FGF12: variants seen among roughly 807,000 people sequenced by gnomAD.
FGF12 encodes the protein fibroblast growth factor 12, also known as fibroblast growth factor 12B.
Under a neutral mutation model 23.6 loss-of-function variants are expected in FGF12, and 14 were observed. That is an observed-to-expected ratio of 0.59 (90% CI 0.39 to 0.93). FGF12 has a LOEUF of 0.93. FGF12 is among the 40% of genes least tolerant of loss of function. FGF12 has a pLI of 0.00. For missense variants in FGF12, 175 were observed against 217.8 expected (o/e 0.80, Z 1.24); for synonymous variants, 62 against 77.3 (o/e 0.80, Z 1.04).
chr3:192,322,583 C>T (rs180738329), intron 4 of FGF12, among the ~76,000 whole-genome samples: 2 of 152,050 alleles, frequency 1.3e-5, no homozygotes, highest in East Asian at 3.9e-4. Flanking sequence ...ATCGCATTAC[C>T]TGACTTCAAA....
chr3:192,384,412 A>G (rs1719954907), intron 2 of FGF12, among the ~76,000 whole-genome samples: 1 of 152,236 alleles, frequency 6.6e-6, no homozygotes, highest in African/African-American at 2.4e-5. Context: ...AAGGTGATGT[A>G]TCTTCCCTAC....
intron 3 of FGF12, among the ~76,000 whole-genome samples, chr3:192,339,455 TAC>T (rs1717585938): frequency 6.6e-6 from 1 of 152,148 alleles, no homozygotes; most frequent in African/African-American, 2.4e-5. Context: ...CAATGTCCTT[TAC>T]AACCTGGCTC....
chr3:192,692,562 A>T (rs988780574), intron 2 of FGF12, among the ~76,000 whole-genome samples: 1 of 151,792 alleles, frequency 6.6e-6, no homozygotes, highest in African/African-American at 2.4e-5. Context: ...AAAATTAGCC[A>T]GGTGTGGTGG....
rs149425300 is a variant in FGF12, at chr3:192,463,633, A to T, written c.14-103095T>A. Among the ~76,000 whole-genome samples the T allele has an allele frequency of 6.5e-4, 99 of 152,150 alleles. 1 individual carries two copies. The highest frequency in any genetic ancestry group is 6.8e-3 in the Middle Eastern group (2 of 294). Reference sequence around the variant, plus strand: ...CGTTTTGATTCCCAAAAACCACCCGACACCTTCCCAGCCCAGCACAGTGGC... The same window carrying T: ...CGTTTTGATTCCCAAAAACCACCCGTCACCTTCCCAGCCCAGCACAGTGGC... On this transcript the variant is annotated intron_variant, in intron 2 of 5. Transcript: ENST00000445105.
At chr3:192,647,289 G>A (rs1716039961) in intron 2 of FGF12, among the ~76,000 whole-genome samples, 2 of 152,018 alleles carry the variant, frequency 1.3e-5, no homozygotes, top group Admixed American at 1.3e-4. Context: ...GGGTTTTAAT[G>A]AGGTTTTGGG....
chr3:192,629,781 T>C (rs947342320), intron 2 of FGF12, among the ~76,000 whole-genome samples: 1 of 152,246 alleles, frequency 6.6e-6, no homozygotes, highest in Non-Finnish European at 1.5e-5. Context: ...TCATCTCCAT[T>C]CCTACCTCAG....
chr3:192,603,310 G>A (rs1167237738), intron 2 of FGF12, among the ~76,000 whole-genome samples: 1 of 152,028 alleles, frequency 6.6e-6, no homozygotes, highest in Admixed American at 6.6e-5. Context: ...AAAGGTTCCT[G>A]GAACTGATTA....
chr3:192,558,221 A>T (rs923551182), intron 2 of FGF12, among the ~76,000 whole-genome samples: 1 of 151,978 alleles, frequency 6.6e-6, no homozygotes, highest in Non-Finnish European at 1.5e-5. Flanking sequence ...AGAGATAATA[A>T]ATTCAGCAAA....
chr3:192,696,468 T>C (rs922335217), intron 2 of FGF12, among the ~76,000 whole-genome samples: 1 of 151,854 alleles, frequency 6.6e-6, no homozygotes, highest in African/African-American at 2.4e-5. Context: ...TAAGAGCAGG[T>C]GGGTTCAGAG....
At chr3:192,642,792 C>G (rs1297763223) in intron 2 of FGF12, among the ~76,000 whole-genome samples, 1 of 152,138 alleles carries the variant, frequency 6.6e-6, no homozygotes, top group Non-Finnish European at 1.5e-5. Flanking sequence ...TTTTGATGGG[C>G]CATTTACTTG....
intron 2 of FGF12, among the ~76,000 whole-genome samples, chr3:192,653,233 C>A (rs1238278659): frequency 2.0e-5 from 3 of 152,222 alleles, no homozygotes; most frequent in Non-Finnish European, 2.9e-5. Context: ...GATCACCAAG[C>A]TCTCTTTATG....
intron 4 of FGF12, among the ~76,000 whole-genome samples, chr3:192,236,816 C>T (rs1719326354): frequency 6.6e-6 from 1 of 152,144 alleles, no homozygotes; most frequent in Admixed American, 6.5e-5. Context: ...TAAGTAGGGG[C>T]ATTTAGTACC....
chr3:192,234,690 A>C (rs538484215), intron 4 of FGF12, among the ~76,000 whole-genome samples: 1 of 151,988 alleles, frequency 6.6e-6, no homozygotes, highest in Non-Finnish European at 1.5e-5. Flanking sequence ...GATGATTCTT[A>C]TTATTTTGAG....
At chr3:192,659,501 C>G (rs767512165) in intron 2 of FGF12, among the ~76,000 whole-genome samples, 1 of 152,092 alleles carries the variant, frequency 6.6e-6, no homozygotes, top group Non-Finnish European at 1.5e-5. Context: ...ATCTTACATC[C>G]CCCTTCCCAC....
intron 2 of FGF12, among the ~76,000 whole-genome samples, chr3:192,511,315 A>G (rs1216871416): frequency 6.6e-6 from 1 of 152,066 alleles, no homozygotes. Flanking sequence ...TCTGTTTCAG[A>G]TTGAGACTTA....
chr3:192,611,925 G>A (rs1431372604), intron 2 of FGF12, among the ~76,000 whole-genome samples: 5 of 152,120 alleles, frequency 3.3e-5, no homozygotes, highest in African/African-American at 9.6e-5. Context: ...TGGAGATTCA[G>A]TGTTTTAGGG....
At chr3:192,175,285 T>C (rs145854451) in intron 4 of FGF12, among the ~76,000 whole-genome samples, 91 of 152,266 alleles carry the variant, frequency 6.0e-4, no homozygotes, top group Middle Eastern at 3.4e-3. Flanking sequence ...ATAAGGATGA[T>C]TTTGTTTCTT....
intron 2 of FGF12, among the ~76,000 whole-genome samples, chr3:192,576,926 T>C (rs144265000): frequency 1.3e-5 from 2 of 152,152 alleles, no homozygotes; most frequent in Non-Finnish European, 2.9e-5. Flanking sequence ...ATGAAGCTGG[T>C]AACCATCATT....
At chr3:192,164,454 G>C (rs1257666704) in intron 5 of FGF12, among the ~76,000 whole-genome samples, 1 of 152,174 alleles carries the variant, frequency 6.6e-6, no homozygotes, top group Non-Finnish European at 1.5e-5. Context: ...AAAGAGTGAA[G>C]GGAAATGGGC....
Sources: gnomAD v4.1 joint callset for allele counts (sites outside exome capture counted in the v4.1 genomes callset) on GRCh38, gnomAD v4.1.1 for gene constraint, MANE v1.5 for transcripts, NCBI Gene and HGNC (gene_info 2026-07-23, HGNC 2026-07-21) for gene names.